The following MAF variants were observed in gnomAD, a reference collection of about 807,000 sequenced individuals.
MAF encodes the protein transcription factor Maf.
In MAF, 10 loss-of-function variants were observed where a neutral mutation model predicts 22.0. The ratio of observed to expected loss-of-function variants is 0.45; its 90% CI spans 0.28 to 0.77. MAF has a LOEUF of 0.77. Ranked by LOEUF, MAF falls within the 30% of genes least tolerant of loss-of-function variation. MAF has a pLI of 0.12. For synonymous variants in MAF, 337 were observed against 255.8 expected, an observed-to-expected ratio of 1.32 and a Z score of -3.03; for missense variants, 544 against 548.4, an observed-to-expected ratio of 0.99 and a Z score of 0.08.
the MAF span, among the ~76,000 whole-genome samples, chr16:79,246,394 T>G: frequency 6.6e-6 from 1 of 152,162 alleles, no homozygotes; most frequent in African/African-American, 2.4e-5. Flanking sequence ...GTTACCAAAG[T>G]CACCATCTGG....
chr16:79,563,764 A>ACACACAC, the MAF span, among the ~76,000 whole-genome samples: 133 of 123,754 alleles, frequency 1.1e-3, no homozygotes, highest in African/African-American at 3.6e-3. Flanking sequence ...CACACACACA[A>ACACACAC]ACACACACAC....
the MAF span, among the ~76,000 whole-genome samples, chr16:79,359,939 T>C: frequency 5.3e-5 from 8 of 152,150 alleles, no homozygotes; most frequent in Admixed American, 3.3e-4. Flanking sequence ...TCTTATAACA[T>C]GTGAAGGATT....
the MAF span, among the ~76,000 whole-genome samples, chr16:79,420,514 G>T: frequency 6.6e-6 from 1 of 152,146 alleles, no homozygotes; most frequent in African/African-American, 2.4e-5. Flanking sequence ...ACAAAAAATA[G>T]AGTGATTTTT....
the MAF span, among the ~76,000 whole-genome samples, chr16:79,408,089 A>AG: frequency 6.7e-6 from 1 of 149,226 alleles, no homozygotes; most frequent in Non-Finnish European, 1.5e-5. Context: ...AAAAAAAAAA[A>AG]AAAAAAAAAA....
the MAF span, chr16:79,212,134 A>AG: frequency 6.5e-7 from 1 of 1,528,206 alleles, no homozygotes; most frequent in Non-Finnish European, 8.8e-7. Flanking sequence ...GAATAGCCTG[A>AG]GGTCCCCTCG....
At chr16:79,295,438 G>C in the MAF span, among the ~76,000 whole-genome samples, 6 of 152,190 alleles carry the variant, frequency 3.9e-5, no homozygotes, top group South Asian at 2.1e-4. Flanking sequence ...AGCCAGATTG[G>C]TTACAGCTCG....
the MAF span, among the ~76,000 whole-genome samples, chr16:79,265,683 C>G: frequency 2.0e-3 from 306 of 152,334 alleles, no homozygotes; most frequent in Non-Finnish European, 3.8e-3. Context: ...AGAGGATTCA[C>G]TGTTACCACA....
chr16:79,261,265 G>A, the MAF span, among the ~76,000 whole-genome samples: 8 of 152,112 alleles, frequency 5.3e-5, no homozygotes, highest in Admixed American at 4.6e-4. Flanking sequence ...AGATTCTCCC[G>A]CTTCAGCCTC....
At chr16:79,291,154 GC>G in the MAF span, among the ~76,000 whole-genome samples, 1 of 152,154 alleles carries the variant, frequency 6.6e-6, no homozygotes, top group Non-Finnish European at 1.5e-5. Flanking sequence ...AGGAAATGGG[GC>G]CGTCGTCTGC....
chr16:79,312,719 G>C, the MAF span, among the ~76,000 whole-genome samples: 1 of 152,180 alleles, frequency 6.6e-6, no homozygotes, highest in African/African-American at 2.4e-5. Context: ...ATATCTAATC[G>C]CAGGGCCTGT....
At chr16:79,318,743 A>T in the MAF span, among the ~76,000 whole-genome samples, 2 of 152,204 alleles carry the variant, frequency 1.3e-5, no homozygotes, top group Non-Finnish European at 2.9e-5. Flanking sequence ...AATATCAAAG[A>T]TTGTGCCATA....
the MAF span, among the ~76,000 whole-genome samples, chr16:79,416,791 G>T: frequency 6.6e-6 from 1 of 152,186 alleles, no homozygotes; most frequent in Non-Finnish European, 1.5e-5. Flanking sequence ...TCTCCCTGTA[G>T]AAAGTTGGGG....
chr16:79,381,898 G>A, the MAF span, among the ~76,000 whole-genome samples: 33 of 152,176 alleles, frequency 2.2e-4, no homozygotes, highest in Non-Finnish European at 2.6e-4. Context: ...AAATGAAGAC[G>A]AGAGAAAGGT....
chr16:79,526,365 G>C, the MAF span, among the ~76,000 whole-genome samples: 10 of 152,192 alleles, frequency 6.6e-5, no homozygotes, highest in Non-Finnish European at 1.5e-4. Context: ...ATGAGAATCT[G>C]ATGCTGCTGC....
chr16:79,534,579 G>T, the MAF span, among the ~76,000 whole-genome samples: 1 of 149,300 alleles, frequency 6.7e-6, no homozygotes. Context: ...ACACACCGGG[G>T]CCTGTCATGG....
At chr16:79,286,406 C>G in the MAF span, among the ~76,000 whole-genome samples, 4 of 152,282 alleles carry the variant, frequency 2.6e-5, no homozygotes, top group African/African-American at 9.6e-5. Flanking sequence ...AAAAGTTGGC[C>G]CCACCATCAA....
the MAF span, among the ~76,000 whole-genome samples, chr16:79,293,099 T>A: frequency 6.6e-6 from 1 of 152,202 alleles, no homozygotes; most frequent in Non-Finnish European, 1.5e-5. Context: ...ATTCTTTTAT[T>A]CCTTTACTTG....
chr16:79,206,033 C>T, the MAF span: 3 of 152,296 alleles, frequency 2.0e-5, no homozygotes, highest in South Asian at 6.2e-4. Context: ...TAGTAAGGGT[C>T]ACTTGCTGTT....
the MAF span, among the ~76,000 whole-genome samples, chr16:79,430,852 T>G: frequency 6.6e-6 from 1 of 152,206 alleles, no homozygotes; most frequent in East Asian, 1.9e-4. Context: ...CACCCTTTCT[T>G]TCTCTCTGCT....
Sources: allele counts gnomAD v4.1 joint callset (sites outside exome capture counted in the v4.1 genomes callset), GRCh38; gene constraint gnomAD v4.1.1; transcripts MANE v1.5; gene names NCBI Gene and HGNC (gene_info 2026-07-23, HGNC 2026-07-21).